The following SKAP2 variants were observed in gnomAD, a reference collection of about 807,000 sequenced individuals.
SKAP2 encodes the protein src kinase-associated phosphoprotein 2.
Under a neutral mutation model 54.9 loss-of-function variants are expected in SKAP2, and 28 were observed. The ratio of observed to expected loss-of-function variants is 0.51; its 90% confidence interval spans 0.38 to 0.70. The LOEUF is 0.70. SKAP2 is among the 30% of genes least tolerant of loss of function. The pLI is 0.00. For missense variants in SKAP2, 356 were observed against 424.1 expected, an observed-to-expected ratio of 0.84 and a Z score of 1.41; for synonymous variants, 137 against 134.3, an observed-to-expected ratio of 1.02 and a Z score of -0.14.
intron 3 of SKAP2, among the ~76,000 whole-genome samples, chr7:26,847,418 G>A (rs754122596): frequency 1.3e-5 from 2 of 151,760 alleles, no homozygotes; most frequent in African/African-American, 2.4e-5. Context: ...TGAACGCAGG[G>A]GTTACTGTTG....
chr7:26,724,752 T>G (rs185546049), intron 9 of SKAP2, among the ~76,000 whole-genome samples: 1 of 152,300 alleles, frequency 6.6e-6, no homozygotes, highest in Admixed American at 6.5e-5. Flanking sequence ...ATTTCAGATG[T>G]CTTTTTATTT....
chr7:26,775,304 T>G (rs1361524512), intron 4 of SKAP2, among the ~76,000 whole-genome samples: 2 of 152,172 alleles, frequency 1.3e-5, no homozygotes, highest in African/African-American at 4.8e-5. Flanking sequence ...CTATTGTCCC[T>G]TCTTTTCTCC....
intron 4 of SKAP2, among the ~76,000 whole-genome samples, chr7:26,782,456 G>A (rs1486535406): frequency 6.6e-6 from 1 of 152,178 alleles, no homozygotes; most frequent in East Asian, 1.9e-4. Context: ...GAAACATGCT[G>A]CTATGGTCTA....
chr7:26,740,149 A>T (rs1392034044), intron 4 of SKAP2, among the ~76,000 whole-genome samples, 185 bp from the exon 5 acceptor site: 1 of 65,546 alleles, frequency 1.5e-5, no homozygotes, highest in African/African-American at 8.5e-5. Flanking sequence ...AAGTCTCAAA[A>T]GTAAAAAAAA....
chr7:26,837,531 T>C (rs1274413386), intron 4 of SKAP2, among the ~76,000 whole-genome samples: 6 of 151,942 alleles, frequency 3.9e-5, no homozygotes, highest in Non-Finnish European at 8.8e-5. Context: ...CACATACTTT[T>C]AAATGACCAG....
intron 4 of SKAP2, among the ~76,000 whole-genome samples, chr7:26,786,145 A>G (rs982414448): frequency 2.8e-4 from 43 of 152,218 alleles, no homozygotes; most frequent in African/African-American, 9.6e-4. Context: ...CGGCAATTCT[A>G]TACAAACTAT....
intron 4 of SKAP2, among the ~76,000 whole-genome samples, chr7:26,765,482 AT>A (rs1239710600): frequency 6.6e-6 from 1 of 152,116 alleles, no homozygotes; most frequent in Non-Finnish European, 1.5e-5. Context: ...ATTAGATCCC[AT>A]TTGTCAACTT....
intron 9 of SKAP2, among the ~76,000 whole-genome samples, chr7:26,713,381 C>T (rs1787351702): frequency 1.3e-5 from 2 of 152,072 alleles, no homozygotes; most frequent in South Asian, 4.1e-4. Context: ...GCACCTAGAA[C>T]AGAATCTGAC....
rs1156614493 is a variant in SKAP2, at chr7:26,841,875, A to AT, written c.307+2154dup. 9.2e-5 allele frequency among the ~76,000 whole-genome samples: 14 copies of AT among 152,078 alleles called. 1 individual carries two copies. In the South Asian group the frequency reaches 2.7e-3, roughly 29 times the overall value. On this transcript the variant is annotated intron_variant, in intron 4 of 12. Coordinates refer to ENST00000345317, the MANE Select transcript of SKAP2 (RefSeq NM_003930.5). Reference sequence around the variant, plus strand: ...GTCAAAAGGACAAAACAACAATCTGATTTGACAAAAGGCCTTTTGGTGACC... The same window carrying AT: ...GTCAAAAGGACAAAACAACAATCTGATTTTGACAAAAGGCCTTTTGGTGACC...
intron 4 of SKAP2, among the ~76,000 whole-genome samples, chr7:26,759,047 T>C (rs16874183): frequency 0.016 from 2,424 of 152,300 alleles, 63 homozygotes; most frequent in African/African-American, 0.055. Flanking sequence ...TTTTGCTCTA[T>C]GTCAACTTAA....
chr7:26,722,196 T>G (rs1220311179), intron 9 of SKAP2, among the ~76,000 whole-genome samples: 1 of 152,216 alleles, frequency 6.6e-6, no homozygotes, highest in Admixed American at 6.5e-5. Flanking sequence ...TATAAATCCC[T>G]TAAACACAAA....
chr7:26,856,556 C>G (rs1364875836), intron 1 of SKAP2, among the ~76,000 whole-genome samples: 2 of 152,118 alleles, frequency 1.3e-5, no homozygotes, highest in Non-Finnish European at 2.9e-5. Context: ...TATGAAGAAG[C>G]ATGTTGCTCT....
At chr7:26,820,097 T>C (rs1409917159) in intron 4 of SKAP2, among the ~76,000 whole-genome samples, 1 of 152,196 alleles carries the variant, frequency 6.6e-6, no homozygotes, top group Non-Finnish European at 1.5e-5. Flanking sequence ...GCAGGAATAT[T>C]GCTTGAGCCC....
chr7:26,734,093 C>T (rs1787874896), intron 6 of SKAP2, among the ~76,000 whole-genome samples: 1 of 152,144 alleles, frequency 6.6e-6, no homozygotes, highest in Non-Finnish European at 1.5e-5. Flanking sequence ...TAATAATCAT[C>T]AAGTTGTAGA....
intron 4 of SKAP2, among the ~76,000 whole-genome samples, chr7:26,771,111 G>T (rs1783180529): frequency 6.6e-6 from 1 of 152,112 alleles, no homozygotes; most frequent in Admixed American, 6.5e-5. Flanking sequence ...AGACGGTATG[G>T]TATAAATTTC....
intron 4 of SKAP2, among the ~76,000 whole-genome samples, chr7:26,834,991 T>C (rs1562629361): frequency 2.0e-5 from 3 of 152,194 alleles, no homozygotes; most frequent in Non-Finnish European, 4.4e-5. Context: ...AAAAAGCTTA[T>C]CCACCACAAT....
Position 26,725,975 on chromosome 7 carries a change from A to G in SKAP2, c.606T>C (p.Ala202=). The change falls in exon 8 of 13, where the codon GCT becomes GCC. Residue 202 remains alanine, a synonymous_variant. Coordinates refer to ENST00000345317, the MANE Select transcript of SKAP2 (RefSeq NM_003930.5). Reference sequence around the variant, plus strand: ...CCCATTCTTCAGCATCTTTGGGAGAAGCTGCTGTAAACTAATATAAAACAA... The same window carrying G: ...CCCATTCTTCAGCATCTTTGGGAGAGGCTGCTGTAAACTAATATAAAACAA... ...PDKRIYQFTA[A]SPKDAEEWVQ... 2 of 1,608,894 alleles carry G rather than the reference A, an allele frequency of 1.2e-6. No individual in the cohort carries two copies. The highest frequency in any genetic ancestry group is 1.7e-6 in the Non-Finnish European group (2 of 1,176,630).
At chr7:26,723,669 T>C (rs1242531435) in intron 9 of SKAP2, among the ~76,000 whole-genome samples, 1 of 152,040 alleles carries the variant, frequency 6.6e-6, no homozygotes, top group Non-Finnish European at 1.5e-5. Flanking sequence ...GTTATGAAAA[T>C]AACTATGAAT....
intron 11 of SKAP2, among the ~76,000 whole-genome samples, chr7:26,673,573 T>C (rs539853431): frequency 3.3e-5 from 5 of 152,168 alleles, no homozygotes; most frequent in African/African-American, 9.6e-5. Context: ...ATGCTTATTG[T>C]ATAAAAATAG....
Sources: gnomAD v4.1 joint callset for allele counts (sites outside exome capture counted in the v4.1 genomes callset) on GRCh38, gnomAD v4.1.1 for gene constraint, MANE v1.5 for transcripts, NCBI Gene and HGNC (gene_info 2026-07-23, HGNC 2026-07-21) for gene names.